Variants in LRP1B observed in about 807,000 individuals in gnomAD.
LRP1B encodes the protein low-density lipoprotein receptor-related protein 1B.
LRP1B carries 217 observed loss-of-function variants against 556.6 expected under a neutral mutation model. The observed-to-expected ratio is 0.39, with a 90% CI of 0.35 to 0.44. The LOEUF (loss-of-function observed/expected upper bound fraction) is 0.44, where lower values mean the gene tolerates loss of function less well. Among genes scored for constraint, LRP1B ranks in the 20% least tolerant of loss-of-function variants. LRP1B has a pLI of 1.00. For missense variants in LRP1B, 5,053 were observed against 5,620.8 expected (o/e 0.90, Z 3.23); for synonymous variants, 2,047 against 1,865.8 (o/e 1.10, Z -2.50).
intron 2 of LRP1B, among the ~76,000 whole-genome samples, chr2:141,495,978 A>G (rs1018804112): frequency 6.6e-6 from 1 of 152,046 alleles, no homozygotes; most frequent in Non-Finnish European, 1.5e-5. Context: ...TTCTTTAAGG[A>G]TGCTTATTTA....
rs199931320 is a variant in LRP1B, at chr2:140,444,923, A to AT, written c.10058-245dup. Among the ~76,000 whole-genome samples, 7 of 152,140 alleles carry AT rather than the reference A, an allele frequency of 4.6e-5. No homozygotes were observed. In the South Asian group the frequency reaches 1.0e-3, roughly 23 times the overall value. ...ATAGGAATTAATAACATATAAATAT[A>AT]TTTTTTTAAAAATTTAAAAAACATA... On this transcript the variant is annotated intron_variant, in intron 63 of 90. Coordinates refer to ENST00000389484, the MANE Select transcript of LRP1B (RefSeq NM_018557.3).
chr2:140,236,240 T>C (rs1466165107), intron 89 of LRP1B, among the ~76,000 whole-genome samples: 3 of 150,964 alleles, frequency 2.0e-5, no homozygotes, highest in Admixed American at 1.3e-4. Flanking sequence ...AGACTGAATA[T>C]GTGGGATCCT....
intron 31 of LRP1B, among the ~76,000 whole-genome samples, chr2:140,834,928 A>G (rs2105083724): frequency 1.3e-5 from 2 of 152,210 alleles, no homozygotes; most frequent in South Asian, 4.1e-4. Context: ...CTTTTTTTCT[A>G]TAGTTTTAAA....
At chr2:141,556,413 A>G (rs1172154878) in intron 2 of LRP1B, among the ~76,000 whole-genome samples, 1 of 151,956 alleles carries the variant, frequency 6.6e-6, no homozygotes, top group Admixed American at 6.6e-5. Flanking sequence ...ATCACTGTCA[A>G]TGTCCTGATT....
intron 15 of LRP1B, among the ~76,000 whole-genome samples, chr2:140,996,621 T>C (rs1697252601): frequency 6.6e-6 from 1 of 152,012 alleles, no homozygotes; most frequent in Non-Finnish European, 1.5e-5. Context: ...TTACTGGAAT[T>C]AACAGAGATT....
At chr2:140,815,826 T>G (rs1691098435) in intron 31 of LRP1B, among the ~76,000 whole-genome samples, 1 of 151,162 alleles carries the variant, frequency 6.6e-6, no homozygotes, top group Admixed American at 6.6e-5. Context: ...CCAAGCAATT[T>G]AGTTAAGAGG....
chr2:140,956,967 C>G (rs1695892385), intron 18 of LRP1B, among the ~76,000 whole-genome samples: 1 of 151,296 alleles, frequency 6.6e-6, no homozygotes, highest in Non-Finnish European at 1.5e-5. Context: ...AATATACCAC[C>G]CAGAGTGAAT....
chr2:141,570,346 G>A (rs1686482737), intron 2 of LRP1B, among the ~76,000 whole-genome samples: 1 of 150,828 alleles, frequency 6.6e-6, no homozygotes, highest in African/African-American at 2.4e-5. Flanking sequence ...CCTAGCCAAG[G>A]GAGGCAGTGA....
At chr2:141,754,712 G>A (rs1455974555) in intron 2 of LRP1B, among the ~76,000 whole-genome samples, 1 of 152,046 alleles carries the variant, frequency 6.6e-6, no homozygotes, top group Non-Finnish European at 1.5e-5. Context: ...CCCAATAGCT[G>A]TGACCAAATT....
chr2:140,280,272 AAAAT>A (rs1237454040), intron 84 of LRP1B, among the ~76,000 whole-genome samples: 3 of 151,818 alleles, frequency 2.0e-5, no homozygotes, highest in Non-Finnish European at 4.4e-5. Flanking sequence ...TAGTAGCACT[AAAAT>A]AAAGTTGGAA....
intron 25 of LRP1B, among the ~76,000 whole-genome samples, chr2:140,869,447 C>A (rs952352707): frequency 1.3e-5 from 2 of 152,054 alleles, no homozygotes; most frequent in African/African-American, 4.8e-5. Context: ...GACAGTATAT[C>A]TGTCTAATCA....
At chr2:142,116,464 C>T (rs1034610380) in intron 1 of LRP1B, among the ~76,000 whole-genome samples, 6 of 151,970 alleles carry the variant, frequency 3.9e-5, no homozygotes, top group East Asian at 1.9e-4. Context: ...ATACTCTCAC[C>T]AACTGGATGA....
intron 1 of LRP1B, among the ~76,000 whole-genome samples, chr2:141,894,623 T>C (rs1323488745): frequency 6.7e-6 from 1 of 149,678 alleles, no homozygotes; most frequent in African/African-American, 2.5e-5. Flanking sequence ...GAGGATATTC[T>C]AAATAGAATA....
chr2:141,846,794 A>T (rs1040862414), intron 1 of LRP1B, among the ~76,000 whole-genome samples: 1 of 151,264 alleles, frequency 6.6e-6, no homozygotes, highest in Non-Finnish European at 1.5e-5. Context: ...ATCTTTTAAT[A>T]AAAAAAATAA....
intron 2 of LRP1B, among the ~76,000 whole-genome samples, chr2:141,759,269 C>T (rs1694443458): frequency 6.6e-6 from 1 of 152,108 alleles, no homozygotes; most frequent in African/African-American, 2.4e-5. Flanking sequence ...GCTCTAAACT[C>T]ATTTGCAGAA....
At chr2:140,301,328 T>A (rs1683810958) in intron 83 of LRP1B, among the ~76,000 whole-genome samples, 1 of 152,162 alleles carries the variant, frequency 6.6e-6, no homozygotes, top group African/African-American at 2.4e-5. Context: ...TCATACTCTC[T>A]TTCTTCCCCC....
At chr2:141,632,115 G>A (rs1334282792) in intron 2 of LRP1B, among the ~76,000 whole-genome samples, 26 of 151,802 alleles carry the variant, frequency 1.7e-4, no homozygotes, top group Admixed American at 1.7e-3. Context: ...GTAGAGATGG[G>A]GTTTTGCCAT....
At chr2:141,885,463 G>T (rs1699082079) in intron 1 of LRP1B, among the ~76,000 whole-genome samples, 2 of 151,640 alleles carry the variant, frequency 1.3e-5, no homozygotes, top group Non-Finnish European at 2.9e-5. Flanking sequence ...GCAACTGATG[G>T]AGTCTTCTTT....
chr2:141,802,325 C>T (rs1324954541), intron 2 of LRP1B, among the ~76,000 whole-genome samples: 1 of 152,024 alleles, frequency 6.6e-6, no homozygotes, highest in African/African-American at 2.4e-5. Context: ...AAAATAGAAA[C>T]TATGAGGTTT....
Sources: gnomAD v4.1 joint callset for allele counts (sites outside exome capture counted in the v4.1 genomes callset) on GRCh38, gnomAD v4.1.1 for gene constraint, MANE v1.5 for transcripts, NCBI Gene and HGNC (gene_info 2026-07-23, HGNC 2026-07-21) for gene names.